The following MVP variants were observed in gnomAD, a reference collection of about 807,000 sequenced individuals.
The protein encoded by MVP is major vault protein.
MVP carries 62 observed loss-of-function variants against 83.5 expected under a neutral mutation model. That is an observed-to-expected ratio of 0.74 (90% CI 0.61 to 0.92). MVP has a LOEUF of 0.92. Ranked by LOEUF, MVP falls within the 40% of genes least tolerant of loss-of-function variation. The pLI, the probability that MVP is intolerant of heterozygous loss-of-function variation, is 0.00. For synonymous variants in MVP, 505 were observed against 504.1 expected (o/e 1.00, Z -0.02); for missense variants, 1,000 against 1,203.4 (o/e 0.83, Z 2.50).
chr16:29,836,563 G>T (rs561479125), intron 6 of MVP, among the ~76,000 whole-genome samples, 159 bp from the exon 7 acceptor site: 1 of 148,780 alleles, frequency 6.7e-6, no homozygotes, highest in African/African-American at 2.5e-5. Context: ...GGCAACAAGA[G>T]AGAGACTCCG....
At chr16:29,829,635 G>A (rs369710279) in intron 1 of MVP, 7 of 152,316 alleles carry the variant, frequency 4.6e-5, no homozygotes, top group Middle Eastern at 3.3e-3. Flanking sequence ...CCAAGCACTG[G>A]GTGAAACTAC....
At chr16:29,842,190 G>C (rs963673852) in intron 10 of MVP, 78 bp downstream of exon 10, 1 of 1,440,492 alleles carries the variant, frequency 6.9e-7, no homozygotes, top group Non-Finnish European at 9.4e-7. Flanking sequence ...AGGATCACTT[G>C]AGCCTAGGAG....
Position 29,830,898 on chromosome 16 carries a change from G to C in MVP, c.146G>C (p.Arg49Pro). 1 of 1,612,780 alleles carries C rather than the reference G, an allele frequency of 6.2e-7. No homozygotes were observed. The highest frequency in any genetic ancestry group is 1.1e-5 in the South Asian group (1 of 91,042). The change falls in exon 3 of 15, where the codon CGC (arginine) becomes CCC (proline). Residue 49 changes from arginine (R) to proline (P), a missense_variant. Transcript: ENST00000357402. ...TGCAGGGTACTGTTTGCCCCCATGC[G>C]CATGGTGACCGTCCCCCCACGTCAC... Reference protein sequence around the residue: ...DNERVLFAPMRMVTVPPRHYC... With the variant: ...DNERVLFAPMPMVTVPPRHYC...
In MVP at chr16:29,841,770, C is replaced by T. The variant is rs114581451; in HGVS notation, c.1366C>T (p.Arg456Cys). Reference sequence around the variant, plus strand: ...GCCCTTGGCGCCCCGGAACAAGACCCGTGTGGTCAGCTACCGCGTGCCCCA... The same window carrying T: ...GCCCTTGGCGCCCCGGAACAAGACCTGTGTGGTCAGCTACCGCGTGCCCCA... ...LQPLAPRNKT[R>C]VVSYRVPHNA... Residue 456 changes from arginine to cysteine, a missense_variant, in exon 9 of 15, where the codon CGT becomes TGT. By Grantham distance (180) the Arg-to-Cys change is radical. Transcript: ENST00000357402. This position sits in a 1 kb window ranked among gnomAD's most constrained non-coding sequence, Gnocchi z 4.7. The T allele has an allele frequency of 1.3e-3, 2,091 of 1,613,666 alleles. 30 individuals are homozygous for T. The African/African-American group carries it at 0.024, about 19-fold the overall frequency.
At chr16:29,847,712 T>G in intron 14 of MVP, 50 bp from the exon 15 acceptor site, 1 of 1,561,646 alleles carries the variant, frequency 6.4e-7, no homozygotes. Flanking sequence ...CACTCTGAAG[T>G]GGCCAGGGTT....
chr16:29,821,131 C>T (rs1267551260), intron 1 of MVP: 1 of 152,176 alleles, frequency 6.6e-6, no homozygotes, highest in African/African-American at 2.4e-5. Context: ...CTCAGCTGGA[C>T]CCACCAGCCT....
intron 6 of MVP, among the ~76,000 whole-genome samples, chr16:29,836,202 A>G (rs1281894044): frequency 6.8e-6 from 1 of 147,476 alleles, no homozygotes. Context: ...CCAGAGGCAG[A>G]GGTTACAGTG....
In MVP at chr16:29,847,750, C is replaced by T. The variant is rs766308851; in HGVS notation, c.2455-12C>T. ...ACGCCCATCTCAACTTCCTCCTGTT[C>T]TCACCCTCCAGGTAAAACTGCTCCA... On this transcript the variant is annotated splice_polypyrimidine_tract_variant and intron_variant, in intron 14 of 14. Transcript: ENST00000357402. The T allele has an allele frequency of 1.9e-6, 3 of 1,612,864 alleles. No individual in the cohort carries two copies. Among genetic ancestry groups the T allele is most frequent in the East Asian group, 2.2e-5 (1 of 44,874 alleles).
At position 29,834,017 on chromosome 16, in the gene MVP, C is replaced by T; in HGVS notation, c.528C>T (p.Leu176=). 3 of 1,614,054 alleles carry T rather than the reference C, an allele frequency of 1.9e-6. No individual in the cohort carries two copies. The highest frequency in any genetic ancestry group is 2.5e-6 in the Non-Finnish European group (3 of 1,179,972). The change falls in exon 5 of 15, where the codon CTC becomes CTT. Residue 176 remains leucine, a synonymous_variant. Coordinates refer to ENST00000357402, the MANE Select transcript of MVP (RefSeq NM_005115.5). ...TIIRQNQALR[L]RARKECWDRD... ...TCAGGCAGAACCAGGCTCTGCGGCT[C>T]AGGGCCCGCAAGGAGTGCTGGGACC...
At chr16:29,847,497 T>A in intron 14 of MVP, 112 bp downstream of exon 14, 1 of 1,053,116 alleles carries the variant, frequency 9.5e-7, no homozygotes, top group Non-Finnish European at 1.4e-6. Flanking sequence ...GAGGGGTGAG[T>A]GACCTGACCC....
chr16:29,823,147 T>A (rs2067377841), intron 1 of MVP, among the ~76,000 whole-genome samples: 1 of 117,010 alleles, frequency 8.5e-6, no homozygotes, highest in Non-Finnish European at 1.8e-5. Flanking sequence ...TTTTTTGAGA[T>A]GGCCTCACTC....
chr16:29,836,572 C>T (rs886625945), intron 6 of MVP, 150 bp from the exon 7 acceptor site: 9 of 656,462 alleles, frequency 1.4e-5, no homozygotes, highest in African/African-American at 1.0e-4. Flanking sequence ...AGAGAGACTC[C>T]GATTTAAAAA....
At chr16:29,837,090 T>C in intron 7 of MVP, 132 bp downstream of exon 7, 1 of 811,622 alleles carries the variant, frequency 1.2e-6, no homozygotes, top group Non-Finnish European at 1.9e-6. Context: ...TGCTTAGTTC[T>C]TACACACCTG....
chr16:29,827,640 A>G (rs2067413489), intron 1 of MVP, among the ~76,000 whole-genome samples: 1 of 152,218 alleles, frequency 6.6e-6, no homozygotes, highest in African/African-American at 2.4e-5. Flanking sequence ...TTAGCTGGGT[A>G]CGGTAGCGTA....
chr16:29,847,149 T>C (rs2067591512), intron 13 of MVP, 48 bp from the exon 14 acceptor site: 1 of 1,594,386 alleles, frequency 6.3e-7, no homozygotes, highest in African/African-American at 1.3e-5. Flanking sequence ...TGATCTGCAT[T>C]CCAGCCTGGG....
chr16:29,841,863 G>A lies in MVP; in HGVS notation c.1436+23G>A, dbSNP rs539817350. ...CCGGTGAGTGCTGGCAGCGCAGGGT[G>A]TAGGGGGTGGCTCTCCATGGGTCTG... On this transcript the variant is annotated intron_variant, in intron 9 of 14. Coordinates refer to ENST00000357402, the MANE Select transcript of MVP (RefSeq NM_005115.5). This position sits in a 1 kb window ranked among gnomAD's most constrained non-coding sequence, Gnocchi z 4.7. 2 of 1,609,296 alleles carry A rather than the reference G, an allele frequency of 1.2e-6. No homozygotes were observed. The highest frequency in any genetic ancestry group is 1.7e-5 in the Admixed American group (1 of 59,988).
intron 2 of MVP, 37 bp downstream of exon 2, chr16:29,830,711 G>T: frequency 6.2e-7 from 1 of 1,609,390 alleles, no homozygotes; most frequent in Non-Finnish European, 8.5e-7. Flanking sequence ...GATCCTTGGG[G>T]ATGTGGGGGC....
chr16:29,842,115 A>T lies in MVP; in HGVS notation c.1634+3A>T. Reference sequence around the variant, plus strand: ...CAACTGCAGCTGGCCTACAACTGGTAAAAATGGGGACAGGGCATGGGGGTG... The same window carrying T: ...CAACTGCAGCTGGCCTACAACTGGTTAAAATGGGGACAGGGCATGGGGGTG... On this transcript the variant is annotated splice_donor_region_variant and intron_variant, in intron 10 of 14. Transcript: ENST00000357402. 8 of 1,595,496 alleles carry T rather than the reference A, an allele frequency of 5.0e-6. No homozygotes were observed. The highest frequency in any genetic ancestry group is 6.0e-6 in the Non-Finnish European group (7 of 1,176,352).
chr16:29,831,765 C>T (rs1046805706), intron 3 of MVP: 9 of 455,072 alleles, frequency 2.0e-5, no homozygotes, highest in Admixed American at 1.2e-4. Context: ...AGTGACAAGC[C>T]CAGGCCCCAG....
Sources: allele counts gnomAD v4.1 joint callset (sites outside exome capture counted in the v4.1 genomes callset), GRCh38; gene constraint gnomAD v4.1.1; non-coding constraint Gnocchi (gnomAD v3.1); transcripts MANE v1.5; gene names NCBI Gene and HGNC (gene_info 2026-07-23, HGNC 2026-07-21).